Variants in GALNT18 observed in about 807,000 individuals in gnomAD.
GALNT18 encodes the protein polypeptide N-acetylgalactosaminyltransferase 18.
GALNT18 carries 44 observed loss-of-function variants against 69.5 expected under a neutral mutation model. That is an observed-to-expected ratio of 0.63 (90% CI 0.50 to 0.81). The LOEUF is 0.81. Among genes scored for constraint, GALNT18 ranks in the 40% least tolerant of loss-of-function variants. The probability of loss-of-function intolerance (pLI) is 0.00; values close to 1 mark genes in which losing one functional copy is unlikely to be tolerated. For synonymous variants in GALNT18, 364 were observed against 318.2 expected (o/e 1.14, Z -1.53); for missense variants, 715 against 810.0 (o/e 0.88, Z 1.42).
Position 11,614,428 on chromosome 11 carries a change from A to T in GALNT18, c.235+6931T>A, listed in dbSNP as rs1383508138. Among the ~76,000 whole-genome samples the T allele has an allele frequency of 6.6e-6, 1 of 152,086 alleles. No individual in the cohort carries two copies. The highest frequency in any genetic ancestry group is 1.5e-5 in the Non-Finnish European group (1 of 68,028). On this transcript the variant is annotated intron_variant, in intron 1 of 10. Transcript: ENST00000227756. The surrounding 1 kb of genome is among the most constrained non-coding windows in gnomAD (Gnocchi z 5.6). ...GAGCAGCAAGGCTCTTTAAACAACC[A>T]GCTCTTGAATGAACAAATACAGCAA... is the stretch of plus-strand genomic sequence containing the variant.
chr11:11,290,017 C>T (rs1241866223), intron 10 of GALNT18, among the ~76,000 whole-genome samples: 1 of 152,180 alleles, frequency 6.6e-6, no homozygotes, highest in Non-Finnish European at 1.5e-5. Flanking sequence ...CCCAGGGCTA[C>T]AAGTGCCTGG....
intron 3 of GALNT18, among the ~76,000 whole-genome samples, chr11:11,423,326 T>C (rs1487847876): frequency 6.6e-6 from 1 of 152,230 alleles, no homozygotes; most frequent in Non-Finnish European, 1.5e-5. Flanking sequence ...TACTTGCATA[T>C]ACATGTATAA....
intron 1 of GALNT18, among the ~76,000 whole-genome samples, chr11:11,472,848 C>T (rs922205266): frequency 2.6e-5 from 4 of 151,932 alleles, no homozygotes; most frequent in African/African-American, 9.7e-5. Context: ...ATATATGGGC[C>T]GGGTGCAGTG....
chr11:11,365,790 C>T (rs988179889), intron 6 of GALNT18, among the ~76,000 whole-genome samples: 1 of 152,104 alleles, frequency 6.6e-6, no homozygotes, highest in African/African-American at 2.4e-5. Context: ...AGAACAATAC[C>T]TATATAGTAT....
intron 10 of GALNT18, among the ~76,000 whole-genome samples, chr11:11,287,750 G>T (rs915855765): frequency 3.3e-5 from 5 of 152,152 alleles, no homozygotes; most frequent in African/African-American, 9.7e-5. Context: ...CTAATATTAT[G>T]AAGTTTTGTC....
chr11:11,412,793 C>T (rs571243945), intron 3 of GALNT18, among the ~76,000 whole-genome samples: 3 of 152,348 alleles, frequency 2.0e-5, no homozygotes, highest in Admixed American at 6.5e-5. Flanking sequence ...CTCCTTACTC[C>T]TATCTCACCA....
chr11:11,346,542 A>G (rs1850306160), intron 6 of GALNT18, among the ~76,000 whole-genome samples: 1 of 152,218 alleles, frequency 6.6e-6, no homozygotes, highest in Non-Finnish European at 1.5e-5. Context: ...CAGAGCTTAA[A>G]TTAATGTCGT....
chr11:11,340,833 T>G lies in GALNT18; in HGVS notation c.1264A>C (p.Asn422His). Residue 422 changes from asparagine to histidine, a missense_variant, in exon 7 of 11, where the codon AAC (asparagine) becomes CAC (histidine). Physicochemically the swap from Asn to His is moderately conservative, Grantham distance 68. Transcript: ENST00000227756. The surrounding 1 kb of genome is among the most constrained non-coding windows in gnomAD (Gnocchi z 4.2). ...GAGATCCCTACCTCCTGCGGTATGTTCCATGCCATGTAGACGTGGCTTTTA... is the reference window on the plus strand; with the variant it reads ...GAGATCCCTACCTCCTGCGGTATGTGCCATGCCATGTAGACGTGGCTTTTA... ...EFKSHVYMAW[N>H]IPQEDSGIDI... The G allele has an allele frequency of 6.2e-7, 1 of 1,613,316 alleles. No individual in the cohort carries two copies. Among genetic ancestry groups the G allele is most frequent in the Non-Finnish European group, 8.5e-7 (1 of 1,179,658 alleles).
rs1397606409 is a variant in GALNT18, at chr11:11,538,570, GCTCGCGGCA to G, written c.235+82780_235+82788del. 6.6e-6 allele frequency among the ~76,000 whole-genome samples: 1 copy of G among 152,148 alleles called. No homozygotes were observed. The highest frequency in any genetic ancestry group is 6.5e-5 in the Admixed American group (1 of 15,282). Reference sequence around the variant, plus strand: ...GCACCAACAACCCGATAGCCCTGGAGCTCGCGGCACTCCTCTCAGGGGCCTCGTCAGCAG... The same window carrying G: ...GCACCAACAACCCGATAGCCCTGGAGCTCCTCTCAGGGGCCTCGTCAGCAG... On this transcript the variant is annotated intron_variant, in intron 1 of 10. Coordinates refer to ENST00000227756, the MANE Select transcript of GALNT18 (RefSeq NM_198516.3). This position sits in a 1 kb window ranked among gnomAD's most constrained non-coding sequence, Gnocchi z 5.2.
intron 1 of GALNT18, among the ~76,000 whole-genome samples, chr11:11,575,579 C>T (rs988159191): frequency 7.9e-5 from 12 of 152,184 alleles, no homozygotes; most frequent in Admixed American, 1.3e-4. Flanking sequence ...AAATTCCTTT[C>T]GGGCAAACGT....
rs1027459051 is a variant in GALNT18, at chr11:11,620,888, G to T, written c.235+471C>A. Among the ~76,000 whole-genome samples, 1 of 152,200 alleles carries T rather than the reference G, an allele frequency of 6.6e-6. No individual in the cohort carries two copies. Among genetic ancestry groups the T allele is most frequent in the Non-Finnish European group, 1.5e-5 (1 of 68,030 alleles). On this transcript the variant is annotated intron_variant, in intron 1 of 10. Transcript: ENST00000227756. The surrounding 1 kb of genome is among the most constrained non-coding windows in gnomAD (Gnocchi z 6.9). ...GCCTCGCTTGTCCGGCAGCCTGCGG[G>T]TCTTAACTGCCAATAGTCAGGGCCG...
chr11:11,485,544 A>G (rs7117475), intron 1 of GALNT18, among the ~76,000 whole-genome samples: 24,807 of 152,210 alleles, frequency 0.16, 2,221 homozygotes, highest in East Asian at 0.3. Context: ...CCAACTATGC[A>G]TTTCATAATA....
chr11:11,561,402 C>T (rs752855590), intron 1 of GALNT18, among the ~76,000 whole-genome samples: 3 of 151,964 alleles, frequency 2.0e-5, no homozygotes, highest in South Asian at 4.2e-4. Context: ...ATTTTGGATT[C>T]AAATGCTGAA....
chr11:11,433,687 A>G (rs901577258), intron 2 of GALNT18, among the ~76,000 whole-genome samples: 3 of 152,244 alleles, frequency 2.0e-5, no homozygotes, highest in Non-Finnish European at 4.4e-5. Context: ...GACGATGAAA[A>G]GTGCCGTGTC....
rs530173248 is a variant in GALNT18, at chr11:11,605,932, G to A, written c.235+15427C>T. Reference sequence around the variant, plus strand: ...CATGCGCACACACACACACCACTGAGCTTCAGCTTCCCTTTGATTAAATCT... The same window carrying A: ...CATGCGCACACACACACACCACTGAACTTCAGCTTCCCTTTGATTAAATCT... On this transcript the variant is annotated intron_variant, in intron 1 of 10. Transcript: ENST00000227756. This position sits in a 1 kb window ranked among gnomAD's most constrained non-coding sequence, Gnocchi z 4.7. 5.3e-5 allele frequency among the ~76,000 whole-genome samples: 8 copies of A among 152,282 alleles called. No individual in the cohort carries two copies. In the East Asian group the frequency reaches 1.4e-3, roughly 26 times the overall value.
Position 11,500,576 on chromosome 11 carries a change from G to T in GALNT18, c.236-51640C>A, listed in dbSNP as rs567197506. On this transcript the variant is annotated intron_variant, in intron 1 of 10. Coordinates refer to ENST00000227756, the MANE Select transcript of GALNT18 (RefSeq NM_198516.3). The surrounding 1 kb of genome is among the most constrained non-coding windows in gnomAD (Gnocchi z 5.0). ...GGCAGCAGGGATGCTGGCAAGCACC[G>T]GTCATCATCCTGCAGGATACAGGAC... 6.6e-6 allele frequency among the ~76,000 whole-genome samples: 1 copy of T among 152,092 alleles called. No homozygotes were observed. Among genetic ancestry groups the T allele is most frequent in the African/African-American group, 2.4e-5 (1 of 41,404 alleles).
chr11:11,297,423 G>C (rs1371745742), intron 9 of GALNT18, among the ~76,000 whole-genome samples: 1 of 152,120 alleles, frequency 6.6e-6, no homozygotes, highest in Non-Finnish European at 1.5e-5. Flanking sequence ...TTCCAAAGTC[G>C]CACGGTTGGT....
intron 1 of GALNT18, among the ~76,000 whole-genome samples, chr11:11,491,399 A>G (rs1302423927): frequency 2.6e-5 from 4 of 152,210 alleles, no homozygotes; most frequent in African/African-American, 9.6e-5. Context: ...GAAAGCAAAG[A>G]ACAATTAGTC....
At chr11:11,516,850 CGGCTGACGCT>C (rs1419206187) in intron 1 of GALNT18, among the ~76,000 whole-genome samples, 7 of 152,266 alleles carry the variant, frequency 4.6e-5, no homozygotes, top group South Asian at 4.1e-4. Context: ...ATCATGGCCA[CGGCTGACGCT>C]AGCTGACTGA....
Sources: gnomAD v4.1 joint callset for allele counts (sites outside exome capture counted in the v4.1 genomes callset) on GRCh38, gnomAD v4.1.1 for gene constraint, Gnocchi (gnomAD v3.1) non-coding constraint, MANE v1.5 for transcripts, NCBI Gene and HGNC (gene_info 2026-07-23, HGNC 2026-07-21) for gene names.